Variants in LYPLA1 observed in about 807,000 individuals in gnomAD.
LYPLA1 encodes lysophospholipase 1.
A neutral mutation model predicts 34.0 loss-of-function variants in LYPLA1; 17 were observed. The ratio of observed to expected loss-of-function variants is 0.50; its 90% CI spans 0.34 to 0.75. The LOEUF (loss-of-function observed/expected upper bound fraction) is 0.75, where lower values mean the gene tolerates loss of function less well. Ranked by LOEUF, LYPLA1 falls within the 30% of genes least tolerant of loss-of-function variation. LYPLA1 has a pLI of 0.01. For missense variants in LYPLA1, 203 were observed against 288.8 expected (o/e 0.70, Z 2.15); for synonymous variants, 98 against 100.8 (o/e 0.97, Z 0.17).
downstream of LYPLA1, chr8:54,043,176 C>A: frequency 6.6e-6 from 1 of 152,302 alleles, no homozygotes; most frequent in Non-Finnish European, 1.5e-5. Flanking sequence ...CCTTCCAGCT[C>A]GACCTCTGGA....
chr8:54,100,632 C>A, intron 2 of LYPLA1: 1 of 410,474 alleles, frequency 2.4e-6, no homozygotes, highest in Non-Finnish European at 4.4e-6. Flanking sequence ...ACTAACATTC[C>A]ACGGATCTCT....
chr8:54,073,432 C>T, intron 2 of LYPLA1: 1 of 774,574 alleles, frequency 1.3e-6, no homozygotes, highest in South Asian at 1.3e-5. Flanking sequence ...CTGCTTTCCT[C>T]AGCCATTTAT....
chr8:54,059,118 C>T (rs575675115), intron 5 of LYPLA1, among the ~76,000 whole-genome samples: 1 of 152,182 alleles, frequency 6.6e-6, no homozygotes, highest in Non-Finnish European at 1.5e-5. Context: ...TCACAGGGCC[C>T]AGGCCCTCCC....
chr8:54,056,749 C>T (rs1334338377), intron 5 of LYPLA1, among the ~76,000 whole-genome samples: 1 of 152,078 alleles, frequency 6.6e-6, no homozygotes, highest in African/African-American at 2.4e-5. Context: ...CCCGTATCTA[C>T]TACAGATTAA....
chr8:54,065,678 A>G lies in LYPLA1; in HGVS notation c.167+70T>C. The G allele has an allele frequency of 4.5e-6, 5 of 1,112,460 alleles. No homozygotes were observed. In the South Asian group the frequency reaches 5.9e-5, roughly 13 times the overall value. 68.9% of individuals were successfully genotyped at this position (1,112,460 alleles called of 1,614,324 possible). A position where few individuals can be genotyped will look rare whatever the true frequency, so the allele number is the denominator to read the frequency against. ...TAACTGTATTCAAATACTTTTCTGG[A>G]AGGGTAAAGCAATCACAATTGCTCC... On this transcript the variant is annotated intron_variant, in intron 3 of 8. Transcript: ENST00000316963.
At chr8:54,072,469 T>C (rs1180178238) in intron 2 of LYPLA1, among the ~76,000 whole-genome samples, 1 of 151,850 alleles carries the variant, frequency 6.6e-6, no homozygotes. Flanking sequence ...TGGAAGAAAA[T>C]ATATGCAAAC....
At chr8:54,094,905 T>C (rs745328270) in intron 2 of LYPLA1, among the ~76,000 whole-genome samples, 4 of 152,142 alleles carry the variant, frequency 2.6e-5, no homozygotes, top group Admixed American at 6.5e-5. Context: ...CTGAATACAA[T>C]AGGAATCCAA....
chr8:54,050,193 T>C lies in LYPLA1; in HGVS notation c.639+819A>G, dbSNP rs139903972. ...CCTATTTTGATATTGTGGGGGCACA[T>C]TGATCTCAATACATTAAACTCAGTA... On this transcript the variant is annotated intron_variant, in intron 8 of 8. Coordinates refer to ENST00000316963, the MANE Select transcript of LYPLA1 (RefSeq NM_006330.4). 5.3e-3 allele frequency among the ~76,000 whole-genome samples: 804 copies of C among 152,368 alleles called. 7 individuals are homozygous for C. The highest frequency in any genetic ancestry group is 0.011 in the African/African-American group (467 of 41,588).
intron 2 of LYPLA1, among the ~76,000 whole-genome samples, chr8:54,084,342 G>A (rs540760756): frequency 8.6e-5 from 13 of 151,810 alleles, no homozygotes; most frequent in South Asian, 4.1e-4. Context: ...AAGCTGAGGC[G>A]GGTGGATCGC....
At chr8:54,049,967 C>T (rs772384096) in intron 8 of LYPLA1, among the ~76,000 whole-genome samples, 2 of 152,192 alleles carry the variant, frequency 1.3e-5, no homozygotes, top group Non-Finnish European at 2.9e-5. Flanking sequence ...CCTTCCCACT[C>T]TGAAATTCTC....
intron 2 of LYPLA1, among the ~76,000 whole-genome samples, chr8:54,086,315 G>C (rs1398867529): frequency 6.6e-6 from 1 of 151,076 alleles, no homozygotes; most frequent in African/African-American, 2.4e-5. Context: ...CTCTGCCTAG[G>C]AAAACCAGAG....
chr8:54,077,441 G>C (rs1392034832), intron 2 of LYPLA1, among the ~76,000 whole-genome samples: 1 of 152,146 alleles, frequency 6.6e-6, no homozygotes, highest in Non-Finnish European at 1.5e-5. Context: ...CAAACCCTCA[G>C]AACATGCAGT....
At position 54,046,995 on chromosome 8, in the gene LYPLA1, C is replaced by T. The variant is rs1452050634; in HGVS notation, c.*1070G>A. On this transcript the variant is annotated 3_prime_UTR_variant, in exon 9 of 9. Transcript: ENST00000316963. ...ATTACAATAGATTCCTCATCTTCTA[C>T]AGTAGTTGGTTTCAAACGTGTACAA... The T allele has an allele frequency of 5.9e-5, 9 of 152,122 alleles. No individual in the cohort carries two copies. The highest frequency in any genetic ancestry group is 1.5e-5 in the Non-Finnish European group (1 of 67,974). The allele number at this position is 152,122 out of a possible 1,614,324, so 9.4% of individuals were successfully genotyped here.
At chr8:54,070,974 C>G (rs919984190) in intron 2 of LYPLA1, among the ~76,000 whole-genome samples, 1 of 152,078 alleles carries the variant, frequency 6.6e-6, no homozygotes, top group African/African-American at 2.4e-5. Flanking sequence ...CATCAAATTA[C>G]ACACTTTAAA....
At chr8:54,083,479 C>T (rs997679972) in intron 2 of LYPLA1, among the ~76,000 whole-genome samples, 2 of 152,088 alleles carry the variant, frequency 1.3e-5, no homozygotes, top group Non-Finnish European at 1.5e-5. Context: ...TGATGTAAAA[C>T]ATCTGTATAT....
At chr8:54,098,026 T>C (rs577987284) in intron 2 of LYPLA1, among the ~76,000 whole-genome samples, 103 of 151,688 alleles carry the variant, frequency 6.8e-4, no homozygotes, top group African/African-American at 2.3e-3. Context: ...AGTTCCAGAC[T>C]GGCCTGGCCA....
chr8:54,044,452 T>C (rs1286924901), downstream of LYPLA1, among the ~76,000 whole-genome samples: 2 of 152,138 alleles, frequency 1.3e-5, no homozygotes, highest in Non-Finnish European at 2.9e-5. Flanking sequence ...AAATGGTATA[T>C]ACCTTGAAAA....
At chr8:54,092,163 A>C (rs186989637) in intron 2 of LYPLA1, among the ~76,000 whole-genome samples, 3,075 of 149,972 alleles carry the variant, frequency 0.021, 50 homozygotes, top group African/African-American at 0.028. Flanking sequence ...GCGGCGGCGG[A>C]GGAGAACCCT....
At chr8:54,043,154 G>A (rs989484012), downstream of LYPLA1, 5 of 151,554 alleles carry the variant, frequency 3.3e-5, no homozygotes, top group South Asian at 2.1e-4. Context: ...CCTCGCACTC[G>A]GCTCAAGGGA....
Sources: gnomAD v4.1 joint callset for allele counts (sites outside exome capture counted in the v4.1 genomes callset) on GRCh38, gnomAD v4.1.1 for gene constraint, MANE v1.5 for transcripts, NCBI Gene and HGNC (gene_info 2026-07-23, HGNC 2026-07-21) for gene names.